The following INTS4 variants were observed in gnomAD, a reference collection of about 807,000 sequenced individuals.
The protein encoded by INTS4 is integrator complex subunit 4, also known as MSTP093.
In INTS4, 70 loss-of-function variants were observed where a neutral mutation model predicts 119.5. The ratio of observed to expected loss-of-function variants is 0.59; its 90% CI spans 0.48 to 0.71. The LOEUF is 0.71. Ranked by LOEUF, INTS4 falls within the 30% of genes least tolerant of loss-of-function variation. The pLI, the probability that INTS4 is intolerant of heterozygous loss-of-function variation, is 0.00. For missense variants in INTS4, 867 were observed against 1,173.2 expected (o/e 0.74, Z 3.81); for synonymous variants, 316 against 419.6 (o/e 0.75, Z 3.02).
chr11:77,901,234 C>T lies in INTS4; in HGVS notation c.2228+187G>A. On this transcript the variant is annotated intron_variant, in intron 18 of 22. Coordinates refer to ENST00000534064, the MANE Select transcript of INTS4 (RefSeq NM_033547.4). ...CAAGGGAGAGACACAATTGGATTTC[C>T]AAGGGTCTAATCTGATCCAACAACA... 3 of 678,178 alleles carry T rather than the reference C, an allele frequency of 4.4e-6. No homozygotes were observed. The South Asian group carries it at 5.3e-5, about 12-fold the overall frequency. The allele number at this position is 678,178 out of a possible 1,614,324, so 42.0% of individuals were successfully genotyped here.
intron 21 of INTS4, among the ~76,000 whole-genome samples, chr11:77,889,698 C>A (rs1029187248): frequency 6.6e-6 from 1 of 152,122 alleles, no homozygotes; most frequent in African/African-American, 2.4e-5. Context: ...TGAAGTAGTG[C>A]CTGGAACAGA....
At chr11:77,993,317 C>T (rs1013933585) in intron 1 of INTS4, among the ~76,000 whole-genome samples, 4 of 152,182 alleles carry the variant, frequency 2.6e-5, no homozygotes, top group Admixed American at 6.5e-5. Context: ...ACTAAGCTCT[C>T]GCTGAGGTTT....
At chr11:77,935,895 CAA>C (rs1261830084) in intron 10 of INTS4, among the ~76,000 whole-genome samples, 9 of 15,132 alleles carry the variant, frequency 5.9e-4, no homozygotes, top group Admixed American at 1.1e-3. Context: ...GATCCTGTCT[CAA>C]AAAAAAAAAA....
intron 8 of INTS4, among the ~76,000 whole-genome samples, chr11:77,948,668 CA>C (rs869211924): frequency 1.7e-4 from 10 of 59,178 alleles, no homozygotes; most frequent in South Asian, 1.5e-3. Flanking sequence ...AAAAAAAAAA[CA>C]AAAAAAAAAA....
intron 4 of INTS4, among the ~76,000 whole-genome samples, chr11:77,976,182 T>G (rs1855943169): frequency 6.6e-6 from 1 of 152,208 alleles, no homozygotes; most frequent in African/African-American, 2.4e-5. Flanking sequence ...CTTTGATTTT[T>G]AAACATTAAT....
At chr11:77,924,020 C>G (rs186923009) in intron 12 of INTS4, among the ~76,000 whole-genome samples, 305 of 150,894 alleles carry the variant, frequency 2.0e-3, no homozygotes, top group African/African-American at 7.0e-3. Context: ...CCGCCCCAGC[C>G]TCCCAAAGTG....
At chr11:77,891,934 A>G in intron 19 of INTS4, 94 bp from the exon 20 acceptor site, 1 of 1,574,546 alleles carries the variant, frequency 6.4e-7, no homozygotes, top group Non-Finnish European at 8.6e-7. Flanking sequence ...TGAAGTAGGA[A>G]GAATGATGAA....
intron 8 of INTS4, among the ~76,000 whole-genome samples, chr11:77,947,874 T>C (rs1483349813): frequency 6.6e-6 from 1 of 152,208 alleles, no homozygotes; most frequent in Non-Finnish European, 1.5e-5. Flanking sequence ...GAGACAGTCT[T>C]ACTCTGATGC....
At chr11:77,932,238 T>A (rs1035932853) in intron 10 of INTS4, among the ~76,000 whole-genome samples, 1 of 151,214 alleles carries the variant, frequency 6.6e-6, no homozygotes, top group Admixed American at 6.6e-5. Context: ...TAAACAAATT[T>A]CCAAAAAACA....
At chr11:77,992,673 T>C (rs751566797) in intron 1 of INTS4, among the ~76,000 whole-genome samples, 14 of 152,236 alleles carry the variant, frequency 9.2e-5, no homozygotes, top group Non-Finnish European at 1.6e-4. Context: ...GAACACAGTA[T>C]GACATGATAA....
chr11:77,927,409 T>C (rs1427895089), intron 11 of INTS4, among the ~76,000 whole-genome samples: 1 of 152,170 alleles, frequency 6.6e-6, no homozygotes, highest in Admixed American at 6.5e-5. Context: ...AGTAGAAATC[T>C]GTTACAAGTG....
At position 77,919,923 on chromosome 11, in the gene INTS4, C is replaced by A. The variant is rs546971361; in HGVS notation, c.1765-945G>T. Among the ~76,000 whole-genome samples the A allele has an allele frequency of 3.9e-5, 6 of 152,100 alleles. No homozygotes were observed. The South Asian group carries it at 1.2e-3, about 32-fold the overall frequency. On this transcript the variant is annotated intron_variant, in intron 14 of 22. Transcript: ENST00000534064. ...TCCTGGGTTCAAGCAATTCTCCTGC[C>A]ACAGCTTCCCGAGTAGCTAGGACTA...
chr11:77,924,678 G>A (rs1188275093), intron 12 of INTS4, 72 bp downstream of exon 12: 10 of 1,426,540 alleles, frequency 7.0e-6, no homozygotes, highest in African/African-American at 1.4e-5. Flanking sequence ...CTATAAGGAC[G>A]GAACAAATGT....
At chr11:77,962,144 G>A (rs544124631) in intron 4 of INTS4, among the ~76,000 whole-genome samples, 2 of 152,184 alleles carry the variant, frequency 1.3e-5, no homozygotes, top group Non-Finnish European at 2.9e-5. Context: ...CTATAGGCAT[G>A]TGGTGGCACA....
rs1309505746 is a variant in INTS4, at chr11:77,883,914, G to A, written c.2631C>T (p.Pro877=). ...CAGGATTCCGGAAGTCTGCAGGCTT[G>A]GGGTGAATCATCTGAGCCTGGCCAT... The part of the protein sequence containing the change: ...YPDGQAQMIH[P]KPADFRNPGP... Residue 877 remains proline, a synonymous_variant, in exon 22 of 23, where the codon CCC becomes CCT. Coordinates refer to ENST00000534064, the MANE Select transcript of INTS4 (RefSeq NM_033547.4). 2 of 1,613,064 alleles carry A rather than the reference G, an allele frequency of 1.2e-6. No individual in the cohort carries two copies. The highest frequency in any genetic ancestry group is 1.7e-5 in the Admixed American group (1 of 59,856).
intron 11 of INTS4, 72 bp downstream of exon 11, chr11:77,928,270 C>T (rs1238604798): frequency 1.3e-6 from 2 of 1,519,682 alleles, no homozygotes; most frequent in African/African-American, 2.7e-5. Flanking sequence ...TCACCAATGC[C>T]TAGCACAATA....
At chr11:77,891,257 A>G (rs1952249207) in intron 21 of INTS4, 62 bp downstream of exon 21, 4 of 1,531,756 alleles carry the variant, frequency 2.6e-6, no homozygotes, top group Non-Finnish European at 3.6e-6. Flanking sequence ...AGGGGTGCTA[A>G]CATTAAATAC....
intron 8 of INTS4, among the ~76,000 whole-genome samples, chr11:77,953,997 AG>A (rs1254380305): frequency 1.3e-5 from 2 of 151,942 alleles, no homozygotes; most frequent in African/African-American, 4.8e-5. Flanking sequence ...TATTTTTAGT[AG>A]AGACGGGGTT....
chr11:77,985,829 C>T (rs914369698), intron 2 of INTS4, among the ~76,000 whole-genome samples: 3 of 152,176 alleles, frequency 2.0e-5, no homozygotes, highest in Non-Finnish European at 4.4e-5. Flanking sequence ...ACATATCTCA[C>T]AGCTCTGCAT....
Sources: gnomAD v4.1 joint callset for allele counts (sites outside exome capture counted in the v4.1 genomes callset) on GRCh38, gnomAD v4.1.1 for gene constraint, MANE v1.5 for transcripts, NCBI Gene and HGNC (gene_info 2026-07-23, HGNC 2026-07-21) for gene names.